Variants in PLXDC2 observed in about 807,000 individuals in gnomAD.
PLXDC2 encodes plexin domain-containing protein 2.
PLXDC2 carries 40 observed loss-of-function variants against 68.9 expected under a neutral mutation model. The ratio of observed to expected loss-of-function variants is 0.58; its 90% confidence interval spans 0.45 to 0.76. The LOEUF (loss-of-function observed/expected upper bound fraction) is 0.76. PLXDC2 is among the 30% of genes least tolerant of loss of function. PLXDC2 has a pLI of 0.00. For synonymous variants in PLXDC2, 243 were observed against 234.2 expected (o/e 1.04, Z -0.34); for missense variants, 644 against 661.9 (o/e 0.97, Z 0.30).
At chr10:19,885,770 T>C (rs1246053517) in intron 1 of PLXDC2, among the ~76,000 whole-genome samples, 12 of 151,904 alleles carry the variant, frequency 7.9e-5, no homozygotes, top group African/African-American at 2.7e-4. Flanking sequence ...TGTAGTACAG[T>C]TTGAAGTCAG....
chr10:20,156,344 GT>G (rs1188659107), intron 6 of PLXDC2, among the ~76,000 whole-genome samples: 1 of 152,110 alleles, frequency 6.6e-6, no homozygotes, highest in African/African-American at 2.4e-5. Flanking sequence ...TGTTTTAAGT[GT>G]ACACGTTTGT....
chr10:20,078,336 T>C (rs1836487825), intron 4 of PLXDC2, among the ~76,000 whole-genome samples: 1 of 152,146 alleles, frequency 6.6e-6, no homozygotes, highest in African/African-American at 2.4e-5. Flanking sequence ...TTAGCTACGA[T>C]TATGCCACTG....
intron 4 of PLXDC2, among the ~76,000 whole-genome samples, chr10:20,082,070 A>AAAAAACAAAAAC (rs1554765388): frequency 1.6e-5 from 2 of 121,932 alleles, no homozygotes; most frequent in South Asian, 3.0e-4. Context: ...AAATCAAAAA[A>AAAAAACAAAAAC]AAAAAACAGG....
chr10:20,065,485 T>A (rs1475110747), intron 3 of PLXDC2, among the ~76,000 whole-genome samples: 1 of 152,188 alleles, frequency 6.6e-6, no homozygotes, highest in African/African-American at 2.4e-5. Flanking sequence ...AAGGTGGTTT[T>A]TCCACAGAGG....
intron 2 of PLXDC2, among the ~76,000 whole-genome samples, chr10:20,036,344 G>C (rs1366434946): frequency 6.6e-6 from 1 of 152,144 alleles, no homozygotes; most frequent in African/African-American, 2.4e-5. Flanking sequence ...GAGGACACAG[G>C]GAGAAAGCAG....
Position 20,091,925 on chromosome 10 carries a change from CATTGTCAGCCAAGCACCTAGGCA to C in PLXDC2, c.541+23688_541+23710del, listed in dbSNP as rs1833282651. 2.6e-5 allele frequency: 4 copies of C among 152,266 alleles called. No individual in the cohort carries two copies. In the South Asian group the frequency reaches 8.3e-4, roughly 31 times the overall value. 9.4% of individuals were successfully genotyped at this position (152,266 alleles called of 1,614,324 possible). ...TTACCTCCACACCCTTTGATGGCGTCATTGTCAGCCAAGCACCTAGGCAAATGCCTATCATAGTAAAGACAGTT... is the reference window on the plus strand; with the variant it reads ...TTACCTCCACACCCTTTGATGGCGTCAATGCCTATCATAGTAAAGACAGTT... On this transcript the variant is annotated intron_variant, in intron 4 of 13. Transcript: ENST00000377252.
chr10:19,871,972 C>G (rs1184148578), intron 1 of PLXDC2, among the ~76,000 whole-genome samples: 5 of 151,516 alleles, frequency 3.3e-5, no homozygotes, highest in African/African-American at 4.8e-5. Context: ...GCATTTCTGT[C>G]TTTTTTATTT....
rs763429635 is a variant in PLXDC2 at position 19,843,815 on chromosome 10, G to A, written c.112+26624G>A. Among the ~76,000 whole-genome samples the A allele has an allele frequency of 4.6e-5, 7 of 152,218 alleles. No individual in the cohort carries two copies. In the South Asian group the frequency reaches 1.5e-3, roughly 32 times the overall value. On this transcript the variant is annotated intron_variant, in intron 1 of 13. Transcript: ENST00000377252. ...GGGATAAAGAGAGGTTGGTTAGTGG[G>A]TATAAACATACAGTTTGATAGAACA...
At chr10:20,124,008 C>T (rs539187901) in intron 4 of PLXDC2, among the ~76,000 whole-genome samples, 1 of 151,634 alleles carries the variant, frequency 6.6e-6, no homozygotes, top group Admixed American at 6.6e-5. Context: ...GGTTTCTTGC[C>T]CCCCAGAAAG....
At chr10:20,052,514 G>A (rs1220725240) in intron 3 of PLXDC2, among the ~76,000 whole-genome samples, 1 of 151,980 alleles carries the variant, frequency 6.6e-6, no homozygotes, top group South Asian at 2.1e-4. Flanking sequence ...GGTTAAGCAC[G>A]TAGGAAAATG....
intron 3 of PLXDC2, among the ~76,000 whole-genome samples, chr10:20,050,367 C>A (rs1589605285): frequency 6.6e-6 from 1 of 152,002 alleles, no homozygotes; most frequent in South Asian, 2.1e-4. Flanking sequence ...CAAATGGGAT[C>A]TAATTAAACT....
intron 1 of PLXDC2, among the ~76,000 whole-genome samples, chr10:19,945,051 T>C (rs1384045131): frequency 6.6e-6 from 1 of 152,230 alleles, no homozygotes; most frequent in African/African-American, 2.4e-5. Flanking sequence ...CCACCTTTGA[T>C]TGGCCAAAAC....
intron 2 of PLXDC2, among the ~76,000 whole-genome samples, chr10:20,030,075 G>C (rs1213331234): frequency 1.3e-5 from 2 of 152,128 alleles, no homozygotes; most frequent in Non-Finnish European, 2.9e-5. Flanking sequence ...AAAAAAAATG[G>C]ATGCTACTTA....
chr10:19,894,326 A>G (rs1838018397), intron 1 of PLXDC2, among the ~76,000 whole-genome samples: 1 of 151,936 alleles, frequency 6.6e-6, no homozygotes, highest in African/African-American at 2.4e-5. Flanking sequence ...TTGTTTCCCA[A>G]ACTTTTCTAT....
chr10:20,284,367 A>G lies in PLXDC2; in HGVS notation c.*4548A>G, dbSNP rs1836123075. On this transcript the variant is annotated 3_prime_UTR_variant, in exon 14 of 14. Coordinates refer to ENST00000377252, the MANE Select transcript of PLXDC2 (RefSeq NM_032812.9). ...CACACACACACAAATATACATATAT[A>G]TCAAATATATATGTATATTTGATAG... is the stretch of plus-strand genomic sequence containing the variant. The G allele has an allele frequency of 1.4e-5, 2 of 148,136 alleles. No homozygotes were observed. The highest frequency in any genetic ancestry group is 6.8e-5 in the Admixed American group (1 of 14,692). The allele number at this position is 148,136 out of a possible 1,614,324, so 9.2% of individuals were successfully genotyped here. A position where few individuals can be genotyped will look rare whatever the true frequency, so the allele number is the denominator to read the frequency against.
intron 6 of PLXDC2, among the ~76,000 whole-genome samples, chr10:20,153,820 C>G (rs1336504426): frequency 1.3e-5 from 2 of 152,168 alleles, no homozygotes; most frequent in Non-Finnish European, 2.9e-5. Context: ...TAAGGCCTAG[C>G]TACTGTACCA....
chr10:19,856,426 A>C (rs1837216003), intron 1 of PLXDC2, among the ~76,000 whole-genome samples: 1 of 151,100 alleles, frequency 6.6e-6, no homozygotes, highest in South Asian at 2.1e-4. Context: ...ACACAATGTC[A>C]GCTCTCCTTA....
intron 4 of PLXDC2, among the ~76,000 whole-genome samples, chr10:20,133,436 C>G (rs992197052): frequency 6.6e-6 from 1 of 152,152 alleles, no homozygotes; most frequent in Non-Finnish European, 1.5e-5. Flanking sequence ...GAAATTCTGT[C>G]TCTCTTTTTC....
intron 1 of PLXDC2, among the ~76,000 whole-genome samples, chr10:19,862,392 A>G (rs997393120): frequency 3.9e-5 from 6 of 152,202 alleles, no homozygotes; most frequent in African/African-American, 1.4e-4. Flanking sequence ...TTTATTCATT[A>G]AAAAATTTAT....
Sources: gnomAD v4.1 joint callset for allele counts (sites outside exome capture counted in the v4.1 genomes callset) on GRCh38, gnomAD v4.1.1 for gene constraint, MANE v1.5 for transcripts, NCBI Gene and HGNC (gene_info 2026-07-23, HGNC 2026-07-21) for gene names.